Variants in ZRANB3 observed in about 807,000 individuals in gnomAD.
The protein encoded by ZRANB3 is DNA annealing helicase and endonuclease ZRANB3.
In ZRANB3, 125 loss-of-function variants were observed where a neutral mutation model predicts 133.8. The observed-to-expected ratio is 0.93, with a 90% CI of 0.81 to 1.08. The LOEUF (loss-of-function observed/expected upper bound fraction) is 1.08. Among genes scored for constraint, ZRANB3 ranks in the 50% least tolerant of loss-of-function variants. The pLI is 0.00. For synonymous variants in ZRANB3, 387 were observed against 432.7 expected (o/e 0.89, Z 1.31); for missense variants, 1,229 against 1,275.5 (o/e 0.96, Z 0.56).
At chr2:135,283,059 A>G (rs569650777) in intron 8 of ZRANB3, among the ~76,000 whole-genome samples, 3 of 151,016 alleles carry the variant, frequency 2.0e-5, no homozygotes, top group Admixed American at 1.3e-4. Flanking sequence ...CTGGGGCAGG[A>G]GGACTGCTCA....
chr2:135,219,104 G>T lies in ZRANB3; in HGVS notation c.2325C>A (p.Ser775Arg). ...GTGAGCGATATTGTTTCAGCTGAAA[G>T]CTTGCTGGTAAATCTTCCCAAAGGT... ...KLDLWEDLPASFQLKQYRSLI... is the reference protein window; with the variant it reads ...KLDLWEDLPARFQLKQYRSLI... The change falls in exon 16 of 21, where the codon AGC becomes AGA. Residue 775 changes from serine to arginine, a missense_variant. Ser to Arg is a moderately radical substitution (Grantham distance 110). Transcript: ENST00000264159. The T allele has an allele frequency of 6.5e-7, 1 of 1,527,054 alleles. No homozygotes were observed. The highest frequency in any genetic ancestry group is 8.8e-7 in the Non-Finnish European group (1 of 1,142,180). 94.6% of individuals were successfully genotyped at this position (1,527,054 alleles called of 1,614,324 possible). A position where few individuals can be genotyped will look rare whatever the true frequency, so the allele number is the denominator to read the frequency against.
intron 6 of ZRANB3, among the ~76,000 whole-genome samples, chr2:135,319,788 C>T (rs1279625377): frequency 1.3e-5 from 2 of 152,078 alleles, no homozygotes; most frequent in Non-Finnish European, 2.9e-5. Context: ...AAATATAACC[C>T]ACTAAATCCA....
chr2:135,439,639 C>G (rs1689695008), intron 2 of ZRANB3, among the ~76,000 whole-genome samples: 1 of 152,192 alleles, frequency 6.6e-6, no homozygotes, highest in African/African-American at 2.4e-5. Flanking sequence ...GATTCTAGGA[C>G]TATTTCTGTG....
At chr2:135,510,533 G>A in intron 1 of ZRANB3, 3 of 650,610 alleles carry the variant, frequency 4.6e-6, no homozygotes, top group South Asian at 1.8e-5. Flanking sequence ...GCCGCGTGAA[G>A]ATCCATGAAG....
At chr2:135,490,137 T>G (rs567138454) in intron 2 of ZRANB3, among the ~76,000 whole-genome samples, 2 of 152,200 alleles carry the variant, frequency 1.3e-5, no homozygotes, top group East Asian at 3.8e-4. Context: ...CAGTGAGCAC[T>G]GCCTACAAAA....
rs533305563 is a variant in ZRANB3, at chr2:135,395,878, G to C, written c.162-5058C>G. Reference sequence around the variant, plus strand: ...AAGGAAACAATCCACAAAGTAAAGAGACAACCCACAGAATGGGAGAAAATA... The same window carrying C: ...AAGGAAACAATCCACAAAGTAAAGACACAACCCACAGAATGGGAGAAAATA... On this transcript the variant is annotated intron_variant, in intron 2 of 20. Transcript: ENST00000264159. 2.6e-5 allele frequency among the ~76,000 whole-genome samples: 4 copies of C among 152,224 alleles called. No homozygotes were observed. The East Asian group carries it at 7.7e-4, about 29-fold the overall frequency.
chr2:135,213,788 T>C (rs1558833389), intron 17 of ZRANB3, among the ~76,000 whole-genome samples: 1 of 152,318 alleles, frequency 6.6e-6, no homozygotes, highest in East Asian at 1.9e-4. Context: ...GATAATGCTA[T>C]AAAAGGACTT....
rs1695824189 is a variant in ZRANB3, at chr2:135,246,868, CTGTTTT to C, written c.1540-15947_1540-15942del. The stretch of plus-strand genomic sequence containing the variant: ...AGTTCAGAGTCCTAATCTTTTTGCC[CTGTTTT>C]TCACCATAGCAAACTACTGGTCTTT... On this transcript the variant is annotated intron_variant, in intron 12 of 20. Transcript: ENST00000264159. Among the ~76,000 whole-genome samples the C allele has an allele frequency of 1.3e-5, 2 of 152,126 alleles. 1 individual carries two copies. The highest frequency in any genetic ancestry group is 4.1e-4 in the South Asian group (2 of 4,826).
At chr2:135,338,757 AC>A (rs1684487918) in intron 6 of ZRANB3, among the ~76,000 whole-genome samples, 1 of 152,240 alleles carries the variant, frequency 6.6e-6, no homozygotes, top group African/African-American at 2.4e-5. Flanking sequence ...TGTATTATTT[AC>A]TAAACACGCA....
At chr2:135,310,904 A>G (rs544057971) in intron 8 of ZRANB3, among the ~76,000 whole-genome samples, 1 of 152,060 alleles carries the variant, frequency 6.6e-6, no homozygotes, top group South Asian at 2.1e-4. Flanking sequence ...AGAAGAAAAT[A>G]TAAGAGGGTA....
chr2:135,407,790 A>G (rs937890875), intron 2 of ZRANB3, among the ~76,000 whole-genome samples: 3 of 146,160 alleles, frequency 2.1e-5, no homozygotes, highest in African/African-American at 8.2e-5. Context: ...CTGAAACTGG[A>G]TCCCTTCCTT....
At chr2:135,519,385 C>T (rs577315963) in intron 1 of ZRANB3, among the ~76,000 whole-genome samples, 3 of 152,092 alleles carry the variant, frequency 2.0e-5, no homozygotes, top group Non-Finnish European at 4.4e-5. Flanking sequence ...GATGATTACA[C>T]CTGTAATCCC....
At chr2:135,421,854 C>A (rs1451793156) in intron 2 of ZRANB3, among the ~76,000 whole-genome samples, 4 of 150,534 alleles carry the variant, frequency 2.7e-5, no homozygotes, top group Admixed American at 6.6e-5. Context: ...TTCTTGTTCT[C>A]CTCCTTCTTG....
At chr2:135,343,110 C>G (rs141402680) in intron 6 of ZRANB3, among the ~76,000 whole-genome samples, 5,545 of 141,852 alleles carry the variant, frequency 0.039, 358 homozygotes, top group South Asian at 0.16. Flanking sequence ...TGCTTGAACC[C>G]GGGAGGCAGA....
chr2:135,482,972 TG>T (rs1336428646), intron 2 of ZRANB3, among the ~76,000 whole-genome samples: 4 of 152,050 alleles, frequency 2.6e-5, no homozygotes, highest in African/African-American at 7.3e-5. Context: ...GAAGCCCACT[TG>T]ATCATGGTGG....
intron 2 of ZRANB3, among the ~76,000 whole-genome samples, chr2:135,422,629 G>C (rs184953203): frequency 3.9e-5 from 6 of 152,200 alleles, no homozygotes; most frequent in Admixed American, 2.6e-4. Context: ...TTCAATAGGG[G>C]ACAGACCAGA....
intron 12 of ZRANB3, among the ~76,000 whole-genome samples, chr2:135,249,296 G>C (rs1679252238): frequency 6.6e-6 from 1 of 152,218 alleles, no homozygotes; most frequent in African/African-American, 2.4e-5. Context: ...ACATGCACAG[G>C]AATGTTCACT....
At chr2:135,389,205 C>T (rs535701328) in intron 3 of ZRANB3, among the ~76,000 whole-genome samples, 1 of 152,274 alleles carries the variant, frequency 6.6e-6, no homozygotes, top group African/African-American at 2.4e-5. Context: ...CCAATTATAT[C>T]GCTAAAGTTC....
chr2:135,294,602 A>T (rs993313841), intron 8 of ZRANB3, among the ~76,000 whole-genome samples: 1 of 151,930 alleles, frequency 6.6e-6, no homozygotes, highest in Non-Finnish European at 1.5e-5. Flanking sequence ...TTCCTTCAGT[A>T]CTACTCTGAT....
Sources: allele counts gnomAD v4.1 joint callset (sites outside exome capture counted in the v4.1 genomes callset), GRCh38; gene constraint gnomAD v4.1.1; transcripts MANE v1.5; gene names NCBI Gene and HGNC (gene_info 2026-07-23, HGNC 2026-07-21).